Variants in GFRA2 observed in about 807,000 individuals in gnomAD.
GFRA2 encodes GDNF family receptor alpha 2.
GFRA2 carries 17 observed loss-of-function variants against 48.3 expected under a neutral mutation model. The ratio of observed to expected loss-of-function variants is 0.35; its 90% CI spans 0.24 to 0.53. The LOEUF (loss-of-function observed/expected upper bound fraction) is 0.53, where lower values mean the gene tolerates loss of function less well. GFRA2 is among the 20% of genes least tolerant of loss of function. GFRA2 has a pLI of 0.93. For missense variants in GFRA2, 660 were observed against 637.3 expected (o/e 1.04, Z -0.38); for synonymous variants, 305 against 257.2 (o/e 1.19, Z -1.78).
chr8:21,728,269 T>G (rs1007537167), intron 4 of GFRA2, among the ~76,000 whole-genome samples: 5 of 131,040 alleles, frequency 3.8e-5, no homozygotes, highest in African/African-American at 1.4e-4. Flanking sequence ...AACCAGGTTT[T>G]TTTTTTTTTT....
chr8:21,791,876 T>TA (rs1807579641), upstream of GFRA2, among the ~76,000 whole-genome samples: 1 of 152,186 alleles, frequency 6.6e-6, no homozygotes, highest in Admixed American at 6.5e-5. Context: ...GCAGCTGTCG[T>TA]AAGAGGTAGT....
intron 4 of GFRA2, among the ~76,000 whole-genome samples, chr8:21,738,341 G>A (rs1585277724): frequency 6.6e-6 from 1 of 151,098 alleles, no homozygotes; most frequent in South Asian, 2.1e-4. Flanking sequence ...GTGAGGCCCT[G>A]GGAGCTGACC....
At chr8:21,755,698 C>A (rs1805534072) in intron 3 of GFRA2, among the ~76,000 whole-genome samples, 1 of 152,068 alleles carries the variant, frequency 6.6e-6, no homozygotes, top group African/African-American at 2.4e-5. Flanking sequence ...CAGGAGGACT[C>A]AGAGGAAGTA....
chr8:21,808,620 G>T (rs954692941), intron 1 of GFRA2, among the ~76,000 whole-genome samples: 1 of 152,222 alleles, frequency 6.6e-6, no homozygotes, highest in Non-Finnish European at 1.5e-5. Context: ...TGCTCAGGGA[G>T]GTTTGGCATT....
chr8:21,735,762 G>C (rs956000708), intron 4 of GFRA2, among the ~76,000 whole-genome samples: 1 of 151,958 alleles, frequency 6.6e-6, no homozygotes, highest in African/African-American at 2.4e-5. Flanking sequence ...GACCTCCAGG[G>C]CTCGAGCCGT....
intron 4 of GFRA2, among the ~76,000 whole-genome samples, chr8:21,736,474 T>C (rs1390077885): frequency 6.6e-6 from 1 of 152,144 alleles, no homozygotes; most frequent in Non-Finnish European, 1.5e-5. Flanking sequence ...TTTCTTTAGG[T>C]ATACCTTTCT....
At chr8:21,723,723 G>T (rs1472705329) in intron 4 of GFRA2, among the ~76,000 whole-genome samples, 1 of 152,180 alleles carries the variant, frequency 6.6e-6, no homozygotes, top group Non-Finnish European at 1.5e-5. Flanking sequence ...GCAAGAGGGA[G>T]GTCGCCAAGA....
At chr8:21,791,874 C>A (rs1006059985), upstream of GFRA2, among the ~76,000 whole-genome samples, 3 of 152,160 alleles carry the variant, frequency 2.0e-5, no homozygotes, top group Admixed American at 6.5e-5. Flanking sequence ...AAGCAGCTGT[C>A]GTAAGAGGTA....
At position 21,774,959 on chromosome 8, in the gene GFRA2, C is replaced by T. The variant is rs373813925; in HGVS notation, c.439+13G>A. 50 of 1,496,912 alleles carry T rather than the reference C, an allele frequency of 3.3e-5. 2 individuals carry two copies. The South Asian group carries it at 3.5e-4, about 10-fold the overall frequency. 92.7% of individuals were successfully genotyped at this position (1,496,912 alleles called of 1,614,324 possible). ...GAGGAGAACGGGCCAAGTCCCAGTG[C>T]GAGCTCACTTACCTGAGAAGATTGA... On this transcript the variant is annotated intron_variant, in intron 3 of 8. Transcript: ENST00000524240.
intron 7 of GFRA2, among the ~76,000 whole-genome samples, chr8:21,695,234 G>C (rs1187466476): frequency 6.6e-6 from 1 of 152,204 alleles, no homozygotes; most frequent in Non-Finnish European, 1.5e-5. Flanking sequence ...TGCAGGGCCA[G>C]AGGGCGCACA....
Position 21,702,893 on chromosome 8 carries a change from C to A in GFRA2, c.1130G>T (p.Arg377Leu). The A allele has an allele frequency of 6.2e-7, 1 of 1,604,814 alleles. No homozygotes were observed. ...TGGCAAAGAAGGCGTCTTCTCCACC[C>A]GAGGGGCCTGGGTGGCCTGGAACGA... The part of the protein sequence containing the change: ...GPSFQATQAP[R>L]VEKTPSLPDD... Residue 377 changes from arginine to leucine, a missense_variant, in exon 7 of 9, where the codon CGG (arginine) becomes CTG (leucine). Transcript: ENST00000524240.
At chr8:21,700,045 C>T (rs908902100) in intron 7 of GFRA2, among the ~76,000 whole-genome samples, 2 of 152,098 alleles carry the variant, frequency 1.3e-5, no homozygotes, top group African/African-American at 4.8e-5. Flanking sequence ...GAAGGCATTC[C>T]CAAGAGGTGA....
chr8:21,700,840 G>C (rs1327310933), intron 7 of GFRA2, among the ~76,000 whole-genome samples: 2 of 152,080 alleles, frequency 1.3e-5, no homozygotes, highest in Non-Finnish European at 2.9e-5. Context: ...CTCCCATCCA[G>C]GCTCAGCTCT....
chr8:21,810,365 C>T (rs367745242), intron 1 of GFRA2, among the ~76,000 whole-genome samples: 1 of 152,200 alleles, frequency 6.6e-6, no homozygotes, highest in Non-Finnish European at 1.5e-5. Context: ...GCCCACCCCC[C>T]TCACTGACCT....
At chr8:21,804,170 A>T (rs758387713) in intron 2 of GFRA2, among the ~76,000 whole-genome samples, 2 of 151,304 alleles carry the variant, frequency 1.3e-5, no homozygotes, top group African/African-American at 2.4e-5. Flanking sequence ...CCTATAGTGG[A>T]ATGGAGTCAC....
At chr8:21,780,135 C>T (rs1806907562) in intron 2 of GFRA2, among the ~76,000 whole-genome samples, 2 of 152,032 alleles carry the variant, frequency 1.3e-5, no homozygotes, top group Non-Finnish European at 2.9e-5. Context: ...ATTCATCACT[C>T]CCAATCCCCC....
At chr8:21,770,994 A>G (rs1806410367) in intron 3 of GFRA2, among the ~76,000 whole-genome samples, 1 of 152,152 alleles carries the variant, frequency 6.6e-6, no homozygotes, top group Non-Finnish European at 1.5e-5. Flanking sequence ...TCAGCTCCTC[A>G]ACCCCTGCAT....
intron 4 of GFRA2, among the ~76,000 whole-genome samples, chr8:21,708,379 G>C (rs1348855488): frequency 6.6e-6 from 1 of 152,170 alleles, no homozygotes; most frequent in Non-Finnish European, 1.5e-5. Flanking sequence ...AGTGCTATGA[G>C]AGGGGAAGGT....
intron 3 of GFRA2, among the ~76,000 whole-genome samples, chr8:21,756,698 G>C (rs1805588538): frequency 6.6e-6 from 1 of 152,214 alleles, no homozygotes; most frequent in Non-Finnish European, 1.5e-5. Flanking sequence ...CACAGTCCTT[G>C]CCTGGCACTG....
Sources: allele counts gnomAD v4.1 joint callset (sites outside exome capture counted in the v4.1 genomes callset), GRCh38; gene constraint gnomAD v4.1.1; transcripts MANE v1.5; gene names NCBI Gene and HGNC (gene_info 2026-07-23, HGNC 2026-07-21).